Variants in SHLD2 observed in about 807,000 individuals in gnomAD.
SHLD2 encodes the protein shieldin complex subunit 2.
In SHLD2, 30 loss-of-function variants were observed where a neutral mutation model predicts 73.2. That is an observed-to-expected ratio of 0.41 (90% CI 0.31 to 0.56). The LOEUF (loss-of-function observed/expected upper bound fraction) is 0.56. SHLD2 is among the 20% of genes least tolerant of loss of function. The probability of loss-of-function intolerance (pLI) is 0.28; values close to 1 mark genes in which losing one functional copy is unlikely to be tolerated. For missense variants in SHLD2, 745 were observed against 1,055.9 expected, an observed-to-expected ratio of 0.71 and a Z score of 4.08; for synonymous variants, 285 against 370.1, an observed-to-expected ratio of 0.77 and a Z score of 2.64.
intron 2 of SHLD2, among the ~76,000 whole-genome samples, chr10:87,125,631 G>A (rs562152537): frequency 7.9e-4 from 120 of 152,316 alleles, no homozygotes; most frequent in African/African-American, 2.6e-3. Flanking sequence ...CAGCTACTGG[G>A]GAGGCTGAGG....
In SHLD2 at chr10:87,133,292, G is replaced by A. The variant is rs190373147; in HGVS notation, c.-5-18058G>A. Reference sequence around the variant, plus strand: ...AAAAGACTAGTTAGCTTGTGCTTTAGGCCTCTTGATTACTCTGAGGTATTT... The same window carrying A: ...AAAAGACTAGTTAGCTTGTGCTTTAAGCCTCTTGATTACTCTGAGGTATTT... On this transcript the variant is annotated intron_variant, in intron 2 of 9. Transcript: ENST00000298786. Among the ~76,000 whole-genome samples, 584 of 151,926 alleles carry A rather than the reference G, an allele frequency of 3.8e-3. 6 individuals are homozygous for A. Among genetic ancestry groups the A allele is most frequent in the Admixed American group, 0.034 (518 of 15,254 alleles).
chr10:87,139,423 AAGC>A (rs60908177), intron 2 of SHLD2, among the ~76,000 whole-genome samples: 21,568 of 152,138 alleles, frequency 0.14, 1,720 homozygotes, highest in Admixed American at 0.26. Flanking sequence ...TACAAATAAT[AAGC>A]AGGAAAATGA....
intron 2 of SHLD2, chr10:87,113,844 A>T (rs1843080135): frequency 6.6e-6 from 1 of 152,072 alleles, no homozygotes; most frequent in Admixed American, 6.6e-5. Flanking sequence ...CATCTCTATT[A>T]AAAAAACAAA....
chr10:87,136,041 T>C lies in SHLD2; in HGVS notation c.-5-15309T>C, dbSNP rs554428619. Among the ~76,000 whole-genome samples the C allele has an allele frequency of 3.3e-5, 5 of 151,904 alleles. No individual in the cohort carries two copies. In the East Asian group the frequency reaches 9.7e-4, roughly 29 times the overall value. On this transcript the variant is annotated intron_variant, in intron 2 of 9. Coordinates refer to ENST00000298786, the MANE Select transcript of SHLD2 (RefSeq NM_001330112.2). ...TCAAGGGCAAAGTGTCTATATAAAT[T>C]ATTTAGATTTCTTCTGCATGGGAGA...
chr10:87,120,258 A>ATTTTTTTT (rs1026313828), intron 2 of SHLD2, among the ~76,000 whole-genome samples: 6 of 148,694 alleles, frequency 4.0e-5, no homozygotes, highest in African/African-American at 7.6e-5. Context: ...TTATTTATTT[A>ATTTTTTTT]TTTTTTTGAG....
Position 87,106,429 on chromosome 10 carries a change from A to G in SHLD2, c.-6+9440A>G, listed in dbSNP as rs1015073331. ...TAACGCAATTTACAAAAGGGGGGGA[A>G]CATTCTTAAATTTGAAACTAGGAAT... On this transcript the variant is annotated intron_variant, in intron 2 of 9. Transcript: ENST00000298786. 4.6e-5 allele frequency among the ~76,000 whole-genome samples: 7 copies of G among 152,298 alleles called. No homozygotes were observed. The East Asian group carries it at 7.7e-4, about 17-fold the overall frequency.
chr10:87,169,841 C>G (rs1194201357), intron 4 of SHLD2, among the ~76,000 whole-genome samples: 1 of 152,092 alleles, frequency 6.6e-6, no homozygotes, highest in Non-Finnish European at 1.5e-5. Flanking sequence ...CAATCCAACA[C>G]TTGAAAAATA....
chr10:87,180,441 C>G, intron 8 of SHLD2, 138 bp downstream of exon 8: 1 of 1,162,302 alleles, frequency 8.6e-7, no homozygotes, highest in Non-Finnish European at 1.2e-6. Context: ...TGATAGATAG[C>G]TATTTATGGA....
At chr10:87,097,170 TTA>T (rs1441586258) in intron 2 of SHLD2, among the ~76,000 whole-genome samples, 181 bp downstream of exon 2, 1 of 152,238 alleles carries the variant, frequency 6.6e-6, no homozygotes, top group Non-Finnish European at 1.5e-5. Context: ...CTTTAAAAGC[TTA>T]GTTTTATTGT....
At chr10:87,157,542 G>C (rs1846521069) in intron 3 of SHLD2, among the ~76,000 whole-genome samples, 1 of 152,102 alleles carries the variant, frequency 6.6e-6, no homozygotes, top group African/African-American at 2.4e-5. Context: ...TACCTCCAAA[G>C]TCTTTCACTT....
At chr10:87,104,782 TC>T (rs1381389036) in intron 2 of SHLD2, among the ~76,000 whole-genome samples, 1 of 151,704 alleles carries the variant, frequency 6.6e-6, no homozygotes, top group Non-Finnish European at 1.5e-5. Context: ...TGCTTCAGCC[TC>T]CCGAGTAGCT....
At chr10:87,164,018 C>T (rs1259376899) in intron 4 of SHLD2, among the ~76,000 whole-genome samples, 2 of 149,078 alleles carry the variant, frequency 1.3e-5, no homozygotes, top group South Asian at 2.1e-4. Context: ...AGTGCAGTGG[C>T]GTGATCTTAG....
chr10:87,185,144 C>T (rs545250149), intron 8 of SHLD2, among the ~76,000 whole-genome samples: 1 of 152,162 alleles, frequency 6.6e-6, no homozygotes, highest in South Asian at 2.1e-4. Context: ...TTTGCCTGTT[C>T]TAGATATTTT....
chr10:87,135,791 A>G (rs1844762079), intron 2 of SHLD2, among the ~76,000 whole-genome samples: 1 of 151,480 alleles, frequency 6.6e-6, no homozygotes, highest in African/African-American at 2.4e-5. Context: ...ATGTGCCACT[A>G]TGCTTGGCAG....
intron 2 of SHLD2, among the ~76,000 whole-genome samples, chr10:87,112,435 C>T (rs181783836): frequency 6.6e-6 from 1 of 152,106 alleles, no homozygotes; most frequent in Non-Finnish European, 1.5e-5. Flanking sequence ...GAGACTAAGT[C>T]AGGAAGATCA....
intron 2 of SHLD2, among the ~76,000 whole-genome samples, chr10:87,129,776 A>C (rs996901959): frequency 2.6e-5 from 4 of 151,436 alleles, no homozygotes; most frequent in Admixed American, 1.3e-4. Context: ...CTGCACCGCC[A>C]AACCTAGCTA....
intron 8 of SHLD2, among the ~76,000 whole-genome samples, chr10:87,183,739 C>T (rs894787553): frequency 6.6e-6 from 1 of 152,178 alleles, no homozygotes; most frequent in Non-Finnish European, 1.5e-5. Flanking sequence ...GGCATGGATA[C>T]TTCTTTCCTC....
intron 2 of SHLD2, among the ~76,000 whole-genome samples, chr10:87,119,446 C>T (rs531926435): frequency 7.2e-5 from 11 of 151,948 alleles, no homozygotes; most frequent in African/African-American, 2.7e-4. Context: ...GTGGTTTTCT[C>T]CATCTGTCAG....
At chr10:87,122,173 C>CAAA (rs10706744) in intron 2 of SHLD2, among the ~76,000 whole-genome samples, 1,359 of 86,256 alleles carry the variant, frequency 0.016, 23 homozygotes, top group Middle Eastern at 0.044. Context: ...CACTGACTGT[C>CAAA]AAAAAAAAAA....
Sources: allele counts gnomAD v4.1 joint callset (sites outside exome capture counted in the v4.1 genomes callset), GRCh38; gene constraint gnomAD v4.1.1; transcripts MANE v1.5; gene names NCBI Gene and HGNC (gene_info 2026-07-23, HGNC 2026-07-21).